Variants in RADIL observed in about 807,000 individuals in gnomAD.
RADIL encodes ras-associating and dilute domain-containing protein.
RADIL carries 99 observed loss-of-function variants against 97.6 expected under a neutral mutation model. The observed-to-expected ratio is 1.01, with a 90% CI of 0.86 to 1.20. The LOEUF (loss-of-function observed/expected upper bound fraction) is 1.20. Among genes scored for constraint, RADIL ranks in the 50% most tolerant of loss-of-function variants. The pLI is 0.00. For synonymous variants in RADIL, 803 were observed against 691.8 expected (o/e 1.16, Z -2.52); for missense variants, 1,765 against 1,498.9 (o/e 1.18, Z -2.93).
chr7:4,807,397 C>A (rs1187349781), intron 9 of RADIL, among the ~76,000 whole-genome samples: 1 of 152,054 alleles, frequency 6.6e-6, no homozygotes, highest in Non-Finnish European at 1.5e-5. Flanking sequence ...ACTCTCACTT[C>A]TGTGCTTGGT....
At chr7:4,802,268 G>A (rs940784300) in intron 11 of RADIL, among the ~76,000 whole-genome samples, 2 of 152,010 alleles carry the variant, frequency 1.3e-5, no homozygotes, top group South Asian at 4.1e-4. Context: ...CTGTCCTCCC[G>A]GGCACCTCGG....
At chr7:4,864,971 G>A (rs1002975035) in intron 2 of RADIL, among the ~76,000 whole-genome samples, 1 of 152,162 alleles carries the variant, frequency 6.6e-6, no homozygotes, top group Non-Finnish European at 1.5e-5. Context: ...CCAACTATCT[G>A]TCTAGCCGCA....
intron 10 of RADIL, among the ~76,000 whole-genome samples, chr7:4,804,669 C>A (rs1485618791): frequency 6.6e-6 from 1 of 152,126 alleles, no homozygotes; most frequent in Non-Finnish European, 1.5e-5. Flanking sequence ...CACCTGTAAT[C>A]CCAGCTACTT....
chr7:4,829,653 G>A (rs1417894887), intron 5 of RADIL, among the ~76,000 whole-genome samples: 1 of 152,126 alleles, frequency 6.6e-6, no homozygotes, highest in East Asian at 1.9e-4. Context: ...GGGACGCGGT[G>A]GGTGGTAACT....
chr7:4,800,343 G>C (rs764289131), intron 12 of RADIL, 33 bp from the exon 13 acceptor site: 3 of 1,419,454 alleles, frequency 2.1e-6, no homozygotes, highest in Non-Finnish European at 2.8e-6. Context: ...GGGTGGGAGT[G>C]AGGCGCCAGG....
Position 4,815,318 on chromosome 7 carries a change from G to A in RADIL, c.2099C>T (p.Thr700Ile), listed in dbSNP as rs201426916. 3.2e-4 allele frequency: 497 copies of A among 1,560,376 alleles called. No individual in the cohort carries two copies. The highest frequency in any genetic ancestry group is 4.3e-4 in the Middle Eastern group (2 of 4,606). The part of the protein sequence containing the change: ...GEHFFQKLSC[T>I]LNLLATPRAQ... ...CCTGGGTGTGGCCAGCAGGTTGAGG[G>A]TGCAGGAGAGCTTCTGGAAGAAGTG... is the stretch of plus-strand genomic sequence containing the variant. Residue 700 changes from threonine to isoleucine, a missense_variant, in exon 9 of 15, where the codon ACC (threonine) becomes ATC (isoleucine). Transcript: ENST00000399583. This position sits in a 1 kb window ranked among gnomAD's most constrained non-coding sequence, Gnocchi z 8.0.
At chr7:4,805,801 G>A (rs1454656992) in intron 9 of RADIL, 85 bp from the exon 10 acceptor site, 2 of 1,509,774 alleles carry the variant, frequency 1.3e-6, no homozygotes, top group South Asian at 1.3e-5. Context: ...AGGTGGCCTG[G>A]GGGTAGCCAG....
rs1488744210 is a variant in RADIL at position 4,818,629 on chromosome 7, C to T, written c.1616-1278G>A. ...GGCCTGTGGAGACACACAAGGTGGCCCGACGGCGCCCACAGCGAGTGCCGG... is the reference window on the plus strand; with the variant it reads ...GGCCTGTGGAGACACACAAGGTGGCTCGACGGCGCCCACAGCGAGTGCCGG... On this transcript the variant is annotated intron_variant, in intron 6 of 14. Coordinates refer to ENST00000399583, the MANE Select transcript of RADIL (RefSeq NM_018059.5). This position sits in a 1 kb window ranked among gnomAD's most constrained non-coding sequence, Gnocchi z 7.1. Among the ~76,000 whole-genome samples the T allele has an allele frequency of 6.6e-6, 1 of 152,122 alleles. No individual in the cohort carries two copies. The highest frequency in any genetic ancestry group is 1.5e-5 in the Non-Finnish European group (1 of 68,022).
intron 2 of RADIL, chr7:4,861,834 G>GCACGTCCCCCAACACCGCGACCTT: frequency 7.9e-7 from 1 of 1,268,420 alleles, no homozygotes; most frequent in Non-Finnish European, 1.0e-6. Context: ...CCCCGCCAGG[G>GCACGTCCCCCAACACCGCGACCTT]CACGTCCCCC....
intron 2 of RADIL, chr7:4,858,318 A>G (rs1783885725): frequency 6.6e-6 from 1 of 152,210 alleles, no homozygotes; most frequent in Admixed American, 6.5e-5. Context: ...AAGCCTGTTA[A>G]GTTTGCTGTC....
At chr7:4,802,593 G>T (rs1372264451) in intron 11 of RADIL, among the ~76,000 whole-genome samples, 1 of 128,060 alleles carries the variant, frequency 7.8e-6, no homozygotes, top group South Asian at 2.6e-4. Flanking sequence ...TAGCTGGGGG[G>T]CCCCCTCCCC....
intron 10 of RADIL, chr7:4,805,232 C>T: frequency 3.0e-6 from 1 of 337,040 alleles, no homozygotes; most frequent in Non-Finnish European, 5.5e-6. Context: ...CTGTGTACCA[C>T]CATTGCTCCC....
At chr7:4,841,349 G>A (rs1192317087) in intron 2 of RADIL, among the ~76,000 whole-genome samples, 1 of 152,260 alleles carries the variant, frequency 6.6e-6, no homozygotes, top group Non-Finnish European at 1.5e-5. Context: ...ATGCCATCTG[G>A]AAGTTTCTAG....
In RADIL at chr7:4,803,642, G is replaced by A. The variant is rs1034059709; in HGVS notation, c.2403C>T (p.Leu801=). 1.6e-5 allele frequency: 25 copies of A among 1,550,268 alleles called. No homozygotes were observed. Among genetic ancestry groups the A allele is most frequent in the Non-Finnish European group, 2.0e-5 (23 of 1,147,196 alleles). The change falls in exon 11 of 15, where the codon CTC becomes CTT. Residue 801 remains leucine (L), a synonymous_variant. Coordinates refer to ENST00000399583, the MANE Select transcript of RADIL (RefSeq NM_018059.5). ...GACCCCACAGAAAGTGGCGGACGTA[G>A]AGCAGGTGCTGGTAGATGCTGTCGT... ...CLDDSIYQHL[L]YVRHFLWGLR... is the part of the protein sequence containing the mutation.
intron 9 of RADIL, among the ~76,000 whole-genome samples, chr7:4,806,960 T>C (rs1782329349): frequency 6.6e-6 from 1 of 152,186 alleles, no homozygotes. Flanking sequence ...CCTGCAGCCC[T>C]GGGATGCTGA....
At chr7:4,846,545 CTTTT>C (rs367898251) in intron 2 of RADIL, among the ~76,000 whole-genome samples, 1 of 125,406 alleles carries the variant, frequency 8.0e-6, no homozygotes, top group Non-Finnish European at 1.7e-5. Context: ...CTGCATCTGT[CTTTT>C]TTTTTTTTTT....
At chr7:4,804,454 A>G (rs1251784060) in intron 10 of RADIL, among the ~76,000 whole-genome samples, 4 of 152,156 alleles carry the variant, frequency 2.6e-5, no homozygotes, top group Non-Finnish European at 4.4e-5. Context: ...TTAACACATA[A>G]TGCAGATGAA....
At chr7:4,863,052 G>C (rs996200804) in intron 2 of RADIL, among the ~76,000 whole-genome samples, 2 of 152,212 alleles carry the variant, frequency 1.3e-5, no homozygotes, top group Non-Finnish European at 2.9e-5. Flanking sequence ...CTTGTCTCCT[G>C]ATTCTCTTCA....
intron 2 of RADIL, among the ~76,000 whole-genome samples, chr7:4,850,093 C>T (rs146162191): frequency 4.0e-4 from 60 of 151,768 alleles, no homozygotes; most frequent in African/African-American, 1.3e-3. Flanking sequence ...GTATAACACA[C>T]GATGTATTTT....
Sources: gnomAD v4.1 joint callset for allele counts (sites outside exome capture counted in the v4.1 genomes callset) on GRCh38, gnomAD v4.1.1 for gene constraint, Gnocchi (gnomAD v3.1) non-coding constraint, MANE v1.5 for transcripts, NCBI Gene and HGNC (gene_info 2026-07-23, HGNC 2026-07-21) for gene names.